Variants in KMT2A observed in about 807,000 individuals in gnomAD.
KMT2A encodes the protein histone-lysine N-methyltransferase 2A.
In KMT2A, 16 loss-of-function variants were observed where a neutral mutation model predicts 345.3. That is an observed-to-expected ratio of 0.05 (90% CI 0.03 to 0.07). The LOEUF is 0.07. Ranked by LOEUF, KMT2A falls within the 10% of genes least tolerant of loss-of-function variation. The pLI is 1.00. For synonymous variants in KMT2A, 1,599 were observed against 1,778.6 expected (o/e 0.90, Z 2.54); for missense variants, 3,272 against 4,841.6 (o/e 0.68, Z 9.62).
chr11:118,443,002 T>C (rs1949345237), intron 1 of KMT2A, among the ~76,000 whole-genome samples: 1 of 152,210 alleles, frequency 6.6e-6, no homozygotes, highest in African/African-American at 2.4e-5. Flanking sequence ...GTTGTTATTG[T>C]CATTTCATTG....
chr11:118,471,589 T>C (rs1245327758), intron 2 of KMT2A, 73 bp from the exon 3 acceptor site: 1 of 1,049,704 alleles, frequency 9.5e-7, no homozygotes. Flanking sequence ...AGTGCTAAGT[T>C]ATATTCAGCT....
At position 118,521,685 on chromosome 11, in the gene KMT2A, CAG is replaced by C. The variant is rs1231889542; in HGVS notation, c.11644-208_11644-207del. 1.3e-5 allele frequency among the ~76,000 whole-genome samples: 2 copies of C among 152,158 alleles called. No individual in the cohort carries two copies. The highest frequency in any genetic ancestry group is 2.4e-5 in the African/African-American group (1 of 41,430). On this transcript the variant is annotated intron_variant, in intron 35 of 35. Coordinates refer to ENST00000534358, the MANE Select transcript of KMT2A (RefSeq NM_001197104.2). The surrounding 1 kb of genome is among the most constrained non-coding windows in gnomAD (Gnocchi z 5.3). ...ACAAGTTTTAGGTTTCTCTCTCCTG[CAG>C]AGACATTAGAAACCTCTAGACTAGT...
At position 118,502,347 on chromosome 11, in the gene KMT2A, C is replaced by T. The variant is rs1265606128; in HGVS notation, c.6506-51C>T. 1 of 1,267,562 alleles carries T rather than the reference C, an allele frequency of 7.9e-7. No homozygotes were observed. The highest frequency in any genetic ancestry group is 1.1e-6 in the Non-Finnish European group (1 of 914,156). 78.5% of individuals were successfully genotyped at this position (1,267,562 alleles called of 1,614,324 possible). On this transcript the variant is annotated intron_variant, in intron 26 of 35. Coordinates refer to ENST00000534358, the MANE Select transcript of KMT2A (RefSeq NM_001197104.2). This position sits in a 1 kb window ranked among gnomAD's most constrained non-coding sequence, Gnocchi z 4.9. ...AAATCATTGAAACCAGTGACTTCTA[C>T]ACATTTGTTCTATCTACAATAGCAT...
At position 118,520,701 on chromosome 11, in the gene KMT2A, T is replaced by C; in HGVS notation, c.11430-101T>C. ...TATAAGGCACTCGTTCAGTTTGGCA[T>C]TAAACAAAGAGTGTACTAATTGTCT... On this transcript the variant is annotated intron_variant, in intron 33 of 35. Coordinates refer to ENST00000534358, the MANE Select transcript of KMT2A (RefSeq NM_001197104.2). The surrounding 1 kb of genome is among the most constrained non-coding windows in gnomAD (Gnocchi z 4.3). 1 of 836,190 alleles carries C rather than the reference T, an allele frequency of 1.2e-6. No homozygotes were observed. Among genetic ancestry groups the C allele is most frequent in the Non-Finnish European group, 2.0e-6 (1 of 502,160 alleles). The allele number at this position is 836,190 out of a possible 1,614,324, so 51.8% of individuals were successfully genotyped here.
intron 1 of KMT2A, chr11:118,450,854 T>C (rs980410650): frequency 7.9e-5 from 12 of 152,202 alleles, no homozygotes; most frequent in African/African-American, 2.2e-4. Flanking sequence ...TTGAATTTCA[T>C]TAACTATTTG....
chr11:118,444,026 T>G (rs1949366797), intron 1 of KMT2A, among the ~76,000 whole-genome samples: 1 of 152,226 alleles, frequency 6.6e-6, no homozygotes, highest in Non-Finnish European at 1.5e-5. Context: ...GAAGCATCAT[T>G]GTTTCATTCT....
At position 118,472,955 on chromosome 11, in the gene KMT2A, C is replaced by T. The variant is rs782653043; in HGVS notation, c.1796C>T (p.Ala599Val). ...TIPLASPFLP[A>V]STAPMQGKRK... ...CCCTTAGCATCACCATTTTTGCCTG[C>T]TTCCACTGCTCCTATGCAAGGGAAG... The change falls in exon 3 of 36, where the codon GCT (alanine) becomes GTT (valine). Residue 599 changes from alanine to valine, a missense_variant. By Grantham distance (64) the Ala-to-Val change is moderately conservative. Coordinates refer to ENST00000534358, the MANE Select transcript of KMT2A (RefSeq NM_001197104.2). The T allele has an allele frequency of 6.2e-7, 1 of 1,614,094 alleles. No homozygotes were observed. Among genetic ancestry groups the T allele is most frequent in the South Asian group, 1.1e-5 (1 of 91,080 alleles).
In KMT2A at chr11:118,494,284, A is replaced by G; in HGVS notation, c.5179-4A>G. The G allele has an allele frequency of 6.8e-7, 1 of 1,464,304 alleles. No individual in the cohort carries two copies. The highest frequency in any genetic ancestry group is 9.6e-7 in the Non-Finnish European group (1 of 1,044,152). The allele number at this position is 1,464,304 out of a possible 1,614,324, so 90.7% of individuals were successfully genotyped here. ...AATAATTAACATTTTGTTTTTGTAT[A>G]CAGTTGGAGTTCAGTGATGATATTG... On this transcript the variant is annotated splice_region_variant and splice_polypyrimidine_tract_variant and intron_variant, in intron 16 of 35. Transcript: ENST00000534358. This position sits in a 1 kb window ranked among gnomAD's most constrained non-coding sequence, Gnocchi z 5.8.
Position 118,521,858 on chromosome 11 carries a change from A to G in KMT2A, c.11644-39A>G, listed in dbSNP as rs202074087. 306 of 1,595,442 alleles carry G rather than the reference A, an allele frequency of 1.9e-4. 1 individual carries two copies. The highest frequency in any genetic ancestry group is 3.8e-5 in the Non-Finnish European group (44 of 1,165,430). ...ACATGTTCTTAAAGCTGAGTTTATA[A>G]GAAATGACAAGTTCTTCTCCCTTCT... On this transcript the variant is annotated intron_variant, in intron 35 of 35. Transcript: ENST00000534358. The surrounding 1 kb of genome is among the most constrained non-coding windows in gnomAD (Gnocchi z 5.3).
At chr11:118,453,311 C>T (rs575044892) in intron 1 of KMT2A, among the ~76,000 whole-genome samples, 10 of 152,292 alleles carry the variant, frequency 6.6e-5, no homozygotes, top group African/African-American at 2.4e-4. Context: ...TCAAGGAGCT[C>T]TATTTTACCA....
chr11:118,472,288 C>G lies in KMT2A; in HGVS notation c.1129C>G (p.Gln377Glu), dbSNP rs1555035815. The change falls in exon 3 of 36, where the codon CAG becomes GAG. Residue 377 changes from glutamine to glutamate, a missense_variant. Gln to Glu is a conservative substitution (Grantham distance 29). Around this residue, in one of 27 missense-constraint regions of KMT2A, gnomAD observed 412 missense variants for 511.0 expected, o/e 0.81. Coordinates refer to ENST00000534358, the MANE Select transcript of KMT2A (RefSeq NM_001197104.2). ...TDATIAKQLL[Q>E]RAKKGAQKKI... ...TGCAACCATTGCTAAGCAACTCTTACAGAGGGCAAAAAAGGGGGCTCAAAA... is the reference window on the plus strand; with the variant it reads ...TGCAACCATTGCTAAGCAACTCTTAGAGAGGGCAAAAAAGGGGGCTCAAAA... 2 of 1,613,978 alleles carry G rather than the reference C, an allele frequency of 1.2e-6. No homozygotes were observed. Among genetic ancestry groups the G allele is most frequent in the South Asian group, 1.1e-5 (1 of 91,078 alleles).
intron 6 of KMT2A, 42 bp from the exon 7 acceptor site, chr11:118,481,673 T>A: frequency 6.5e-7 from 1 of 1,545,498 alleles, no homozygotes; most frequent in Non-Finnish European, 8.7e-7. Flanking sequence ...AATAAAATTA[T>A]TCTCACTATA....
At chr11:118,459,649 G>A (rs1949708983) in intron 1 of KMT2A, among the ~76,000 whole-genome samples, 1 of 151,888 alleles carries the variant, frequency 6.6e-6, no homozygotes, top group African/African-American at 2.4e-5. Flanking sequence ...TTTTTGCTCT[G>A]ACTATGGTAT....
chr11:118,497,488 G>A lies in KMT2A; in HGVS notation c.5665-448G>A, dbSNP rs1007801449. Among the ~76,000 whole-genome samples the A allele has an allele frequency of 4.6e-5, 7 of 151,844 alleles. No homozygotes were observed. Among genetic ancestry groups the A allele is most frequent in the African/African-American group, 1.7e-4 (7 of 41,344 alleles). ...TTGGCTCACTGCAATCTCGGCTTCC[G>A]GGGCTCAAGTGATCCTCCTACCTCA... On this transcript the variant is annotated intron_variant, in intron 20 of 35. Transcript: ENST00000534358. The surrounding 1 kb of genome is among the most constrained non-coding windows in gnomAD (Gnocchi z 4.8).
In KMT2A at chr11:118,506,405, T is replaced by C; in HGVS notation, c.10513T>C (p.Ser3505Pro). Reference sequence around the variant, plus strand: ...GGGACTGGAGCAGAACAAGGCTTTATCCTCAGCTGTGCAAGCCAGCCCCAC... The same window carrying C: ...GGGACTGGAGCAGAACAAGGCTTTACCCTCAGCTGTGCAAGCCAGCCCCAC... Reference protein sequence around the residue: ...SMGLEQNKALSSAVQASPTSP... With the variant: ...SMGLEQNKALPSAVQASPTSP... The change falls in exon 27 of 36, where the codon TCC (serine) becomes CCC (proline). Residue 3505 changes from serine to proline, a missense_variant. Coordinates refer to ENST00000534358, the MANE Select transcript of KMT2A (RefSeq NM_001197104.2). 1 of 1,614,174 alleles carries C rather than the reference T, an allele frequency of 6.2e-7. No homozygotes were observed. Among genetic ancestry groups the C allele is most frequent in the Non-Finnish European group, 8.5e-7 (1 of 1,180,032 alleles).
Position 118,491,114 on chromosome 11 carries a change from G to A in KMT2A, c.4697-82G>A. On this transcript the variant is annotated intron_variant, in intron 13 of 35. Coordinates refer to ENST00000534358, the MANE Select transcript of KMT2A (RefSeq NM_001197104.2). This position sits in a 1 kb window ranked among gnomAD's most constrained non-coding sequence, Gnocchi z 4.2. ...TCCCAGAAGAATATAGATTTAGATT[G>A]GGTTGGTAAATGCAAGTCGAGGGCC... 3.6e-6 allele frequency: 5 copies of A among 1,392,322 alleles called. No individual in the cohort carries two copies. The highest frequency in any genetic ancestry group is 5.0e-6 in the Non-Finnish European group (5 of 1,004,386). The allele number at this position is 1,392,322 out of a possible 1,614,324, so 86.2% of individuals were successfully genotyped here.
In KMT2A at chr11:118,503,541, C is replaced by G; in HGVS notation, c.7649C>G (p.Pro2550Arg). ...NALKESSPAS[P>R]LQIESTSPTE... is the part of the protein sequence containing the mutation. ...CTGAAAGAAAGTAGTCCTGCTTCCC[C>G]TTTGCAAATAGAGTCAACATCTCCC... Residue 2550 changes from proline (P) to arginine (R), a missense_variant, in exon 27 of 36, where the codon CCT (proline) becomes CGT (arginine). This residue lies in a region of KMT2A where 445 missense variants were observed against 500.9 expected (regional missense o/e 0.89). Coordinates refer to ENST00000534358, the MANE Select transcript of KMT2A (RefSeq NM_001197104.2). This position sits in a 1 kb window ranked among gnomAD's most constrained non-coding sequence, Gnocchi z 5.3. 6.2e-7 allele frequency: 1 copy of G among 1,614,158 alleles called. No individual in the cohort carries two copies. Among genetic ancestry groups the G allele is most frequent in the Non-Finnish European group, 8.5e-7 (1 of 1,180,010 alleles).
At chr11:118,445,395 C>T (rs781923848) in intron 1 of KMT2A, among the ~76,000 whole-genome samples, 3 of 152,204 alleles carry the variant, frequency 2.0e-5, no homozygotes, top group Non-Finnish European at 4.4e-5. Flanking sequence ...TACCTGTTGT[C>T]TCTATAACTA....
intron 1 of KMT2A, among the ~76,000 whole-genome samples, chr11:118,453,332 A>G (rs1172125862): frequency 6.6e-6 from 1 of 152,132 alleles, no homozygotes; most frequent in Non-Finnish European, 1.5e-5. Context: ...GATTGAATAG[A>G]TAATTCTCAG....
Sources: allele counts gnomAD v4.1 joint callset (sites outside exome capture counted in the v4.1 genomes callset), GRCh38; gene constraint gnomAD v4.1.1; regional missense constraint gnomAD v4.1.1; non-coding constraint Gnocchi (gnomAD v3.1); transcripts MANE v1.5; gene names NCBI Gene and HGNC (gene_info 2026-07-23, HGNC 2026-07-21).